L3MBTL4: variants seen among roughly 807,000 people sequenced by gnomAD.
L3MBTL4 encodes L3MBTL histone methyl-lysine binding protein 4.
Under a neutral mutation model 84.5 loss-of-function variants are expected in L3MBTL4, and 70 were observed. The observed-to-expected ratio is 0.83, with a 90% CI of 0.68 to 1.01. The LOEUF is 1.01. L3MBTL4 is among the 50% of genes least tolerant of loss of function. The probability of loss-of-function intolerance (pLI) is 0.00; values close to 1 mark genes in which losing one functional copy is unlikely to be tolerated. For synonymous variants in L3MBTL4, 274 were observed against 259.8 expected (o/e 1.05, Z -0.52); for missense variants, 715 against 754.8 (o/e 0.95, Z 0.62).
intron 1 of L3MBTL4, among the ~76,000 whole-genome samples, chr18:6,372,015 C>A (rs2054177965): frequency 2.0e-5 from 3 of 152,182 alleles, no homozygotes. Flanking sequence ...GCCCTTGGGC[C>A]CCTACACATC....
At chr18:6,191,251 A>T (rs2045070012) in intron 12 of L3MBTL4, among the ~76,000 whole-genome samples, 1 of 152,208 alleles carries the variant, frequency 6.6e-6, no homozygotes, top group Non-Finnish European at 1.5e-5. Context: ...ATAATAATCC[A>T]GGCAAGAGGT....
intron 16 of L3MBTL4, among the ~76,000 whole-genome samples, chr18:5,974,400 A>AGTGGC: frequency 6.7e-6 from 1 of 149,118 alleles, no homozygotes; most frequent in African/African-American, 2.5e-5. Context: ...CTCCAAAGAA[A>AGTGGC]AGTCATTGCT....
chr18:6,335,277 G>A (rs1337969891), intron 1 of L3MBTL4, among the ~76,000 whole-genome samples: 1 of 152,032 alleles, frequency 6.6e-6, no homozygotes, highest in African/African-American at 2.4e-5. Flanking sequence ...GTTTAGTAGA[G>A]ACAGGGTTTC....
intron 16 of L3MBTL4, among the ~76,000 whole-genome samples, chr18:6,023,231 G>A (rs2055352738): frequency 6.6e-6 from 1 of 152,226 alleles, no homozygotes; most frequent in Non-Finnish European, 1.5e-5. Flanking sequence ...TAGATAGGGA[G>A]CAGTGGCTCT....
chr18:6,183,238 G>A (rs955445160), intron 12 of L3MBTL4, among the ~76,000 whole-genome samples: 1 of 152,160 alleles, frequency 6.6e-6, no homozygotes, highest in Non-Finnish European at 1.5e-5. Context: ...ATGTCTGTGG[G>A]TGATATCTTT....
At chr18:6,075,459 G>T (rs1325591976) in intron 16 of L3MBTL4, among the ~76,000 whole-genome samples, 5 of 152,090 alleles carry the variant, frequency 3.3e-5, no homozygotes, top group African/African-American at 1.2e-4. Flanking sequence ...AATAAATGGT[G>T]CTGGGTCAAC....
chr18:6,033,588 C>T (rs748963830), intron 16 of L3MBTL4, among the ~76,000 whole-genome samples: 15 of 152,148 alleles, frequency 9.9e-5, no homozygotes, highest in Admixed American at 3.3e-4. Context: ...ATTACGATTA[C>T]ATTTCTTGTA....
At chr18:6,086,622 C>T (rs1005166942) in intron 15 of L3MBTL4, among the ~76,000 whole-genome samples, 19 of 152,094 alleles carry the variant, frequency 1.2e-4, no homozygotes, top group African/African-American at 1.2e-4. Context: ...CAACTCATTT[C>T]GTTTTCCATA....
chr18:6,113,194 C>A (rs192157397), intron 14 of L3MBTL4, among the ~76,000 whole-genome samples: 215 of 151,924 alleles, frequency 1.4e-3, no homozygotes, highest in African/African-American at 4.8e-3. Context: ...ATAACAAAAA[C>A]AAAGAAGATG....
chr18:5,966,485 C>T (rs1199895885), intron 17 of L3MBTL4, among the ~76,000 whole-genome samples: 24 of 152,140 alleles, frequency 1.6e-4, no homozygotes, highest in Admixed American at 1.5e-3. Flanking sequence ...TGCCCCTTTG[C>T]GGCTCTTCTT....
intron 13 of L3MBTL4, among the ~76,000 whole-genome samples, chr18:6,167,272 T>G (rs1317675707): frequency 6.6e-6 from 1 of 152,198 alleles, no homozygotes; most frequent in Non-Finnish European, 1.5e-5. Context: ...GTAGCATTCT[T>G]CCTGAAACTA....
At chr18:6,034,253 C>T (rs999901219) in intron 16 of L3MBTL4, among the ~76,000 whole-genome samples, 18 of 152,198 alleles carry the variant, frequency 1.2e-4, no homozygotes, top group Admixed American at 5.2e-4. Flanking sequence ...CCCACTAACT[C>T]GTCATCTAGC....
intron 16 of L3MBTL4, among the ~76,000 whole-genome samples, chr18:6,020,055 C>A (rs2055179934): frequency 6.6e-6 from 1 of 152,132 alleles, no homozygotes; most frequent in Admixed American, 6.5e-5. Flanking sequence ...CACACATGCT[C>A]CCTGCCCTCA....
At chr18:6,086,814 CT>C (rs1487057200) in intron 15 of L3MBTL4, among the ~76,000 whole-genome samples, 1 of 152,166 alleles carries the variant, frequency 6.6e-6, no homozygotes, top group Non-Finnish European at 1.5e-5. Context: ...TCCATCTCCC[CT>C]ACCTGAAAAT....
intron 16 of L3MBTL4, among the ~76,000 whole-genome samples, chr18:5,991,501 A>G (rs2053697720): frequency 6.6e-6 from 1 of 152,158 alleles, no homozygotes; most frequent in African/African-American, 2.4e-5. Context: ...GTCACTTGCT[A>G]CCTGGCATCT....
At chr18:6,093,323 T>G in intron 15 of L3MBTL4, 32 bp downstream of exon 15, 2 of 1,558,044 alleles carry the variant, frequency 1.3e-6, no homozygotes, top group African/African-American at 2.8e-5. Flanking sequence ...CATGGTTTAC[T>G]TTCTGGCTCA....
chr18:6,165,189 C>T (rs573633814), intron 13 of L3MBTL4, among the ~76,000 whole-genome samples: 1 of 152,070 alleles, frequency 6.6e-6, no homozygotes, highest in Non-Finnish European at 1.5e-5. Context: ...TGTGAAAAGA[C>T]CAAATCTACA....
intron 14 of L3MBTL4, among the ~76,000 whole-genome samples, chr18:6,116,633 G>T (rs560529354): frequency 6.6e-6 from 1 of 152,222 alleles, no homozygotes. Context: ...CAAAGTGCTA[G>T]GATTACAGGC....
At chr18:6,359,545 A>G (rs1387460208) in intron 1 of L3MBTL4, among the ~76,000 whole-genome samples, 5 of 151,864 alleles carry the variant, frequency 3.3e-5, no homozygotes, top group Admixed American at 1.3e-4. Context: ...TTTTCATTTC[A>G]GCACAGATAA....
Sources: gnomAD v4.1 joint callset for allele counts (sites outside exome capture counted in the v4.1 genomes callset) on GRCh38, gnomAD v4.1.1 for gene constraint, MANE v1.5 for transcripts, NCBI Gene and HGNC (gene_info 2026-07-23, HGNC 2026-07-21) for gene names.